EML6: variants seen among roughly 807,000 people sequenced by gnomAD.
The protein encoded by EML6 is echinoderm microtubule-associated protein-like 6.
Under a neutral mutation model 240.1 loss-of-function variants are expected in EML6, and 154 were observed. The observed-to-expected ratio is 0.64, with a 90% CI of 0.56 to 0.73. The LOEUF (loss-of-function observed/expected upper bound fraction) is 0.73, where lower values mean the gene tolerates loss of function less well. Ranked by LOEUF, EML6 falls within the 30% of genes least tolerant of loss-of-function variation. EML6 has a pLI of 0.00. For missense variants in EML6, 2,964 were observed against 2,474.6 expected, an observed-to-expected ratio of 1.20 and a Z score of -4.20; for synonymous variants, 1,148 against 899.0, an observed-to-expected ratio of 1.28 and a Z score of -4.95.
In EML6 at chr2:54,928,638, T is replaced by A; in HGVS notation, c.3891T>A (p.Asp1297Glu). The A allele has an allele frequency of 1.3e-6, 2 of 1,552,124 alleles. No homozygotes were observed. Among genetic ancestry groups the A allele is most frequent in the East Asian group, 2.4e-5 (1 of 40,920 alleles). The change falls in exon 28 of 42, where the codon GAT (aspartate) becomes GAA (glutamate). Residue 1297 changes from aspartate to glutamate, a missense_variant. Physicochemically the swap from Asp to Glu is conservative, Grantham distance 45. Transcript: ENST00000356458. ...CTGTTGTTTGAGGCTATGACAGCGA[T>A]GTTGCTAGAGAAAAGGCCATTGACT... ...DVEEDGGYDS[D>E]VAREKAIDYT...
chr2:54,908,673 A>G lies in EML6; in HGVS notation c.3410-2281A>G, dbSNP rs533975811. Among the ~76,000 whole-genome samples the G allele has an allele frequency of 8.1e-4, 123 of 152,140 alleles. 2 individuals carry two copies. Among genetic ancestry groups the G allele is most frequent in the African/African-American group, 2.9e-3 (120 of 41,498 alleles). On this transcript the variant is annotated intron_variant, in intron 24 of 41. Coordinates refer to ENST00000356458, the MANE Select transcript of EML6 (RefSeq NM_001039753.4). ...CTCTGCCTTTGACCCCTCTCTCTGC[A>G]CAAGCAGCCTTTCTCTACTTCATCT...
chr2:54,833,887 A>T (rs1215777481), intron 7 of EML6, among the ~76,000 whole-genome samples: 1 of 152,208 alleles, frequency 6.6e-6, no homozygotes, highest in Non-Finnish European at 1.5e-5. Flanking sequence ...TAAATAACTA[A>T]TTCGGCAGCA....
At chr2:54,958,519 C>G (rs966998025) in intron 33 of EML6, among the ~76,000 whole-genome samples, 1 of 151,902 alleles carries the variant, frequency 6.6e-6, no homozygotes, top group Non-Finnish European at 1.5e-5. Flanking sequence ...AAAATATTAA[C>G]CAGAAAAGGT....
chr2:54,765,975 C>T (rs1165834573), intron 2 of EML6, among the ~76,000 whole-genome samples: 1 of 152,166 alleles, frequency 6.6e-6, no homozygotes, highest in African/African-American at 2.4e-5. Flanking sequence ...TATTTTGCCA[C>T]ATTTGCTTTA....
chr2:54,780,966 C>T (rs779799266), intron 2 of EML6, among the ~76,000 whole-genome samples: 1 of 152,174 alleles, frequency 6.6e-6, no homozygotes, highest in Non-Finnish European at 1.5e-5. Context: ...ATTATTAGCT[C>T]TGGCATCCTT....
chr2:54,761,160 T>C (rs761152901), intron 2 of EML6, among the ~76,000 whole-genome samples: 11 of 152,148 alleles, frequency 7.2e-5, no homozygotes, highest in Admixed American at 5.2e-4. Flanking sequence ...TCCATATGGT[T>C]ATTTCATCTG....
chr2:54,768,008 A>G (rs560392972), intron 2 of EML6, among the ~76,000 whole-genome samples: 1 of 152,282 alleles, frequency 6.6e-6, no homozygotes, highest in South Asian at 2.1e-4. Flanking sequence ...TAGGCTTTGT[A>G]GAGAGTGTGG....
At position 54,972,013 on chromosome 2, in the gene EML6, T is replaced by C. The variant is rs576630228; in HGVS notation, c.*1918T>C. Reference sequence around the variant, plus strand: ...ATTTTATGTGTCAAATAAAATTTGATTATGTAAACACATTTGTTGACTTTT... The same window carrying C: ...ATTTTATGTGTCAAATAAAATTTGACTATGTAAACACATTTGTTGACTTTT... On this transcript the variant is annotated 3_prime_UTR_variant, in exon 42 of 42. Transcript: ENST00000356458. 121 of 151,828 alleles carry C rather than the reference T, an allele frequency of 8.0e-4. 1 individual carries two copies. Among genetic ancestry groups the C allele is most frequent in the African/African-American group, 2.8e-3 (116 of 41,450 alleles). 9.4% of individuals were successfully genotyped at this position (151,828 alleles called of 1,614,324 possible).
Position 54,957,897 on chromosome 2 carries a change from T to C in EML6, c.4594T>C (p.Phe1532Leu), listed in dbSNP as rs771257202. 17 of 1,551,464 alleles carry C rather than the reference T, an allele frequency of 1.1e-5. No individual in the cohort carries two copies. In the South Asian group the frequency reaches 1.8e-4, roughly 16 times the overall value. The change falls in exon 33 of 42, where the codon TTC (phenylalanine) becomes CTC (leucine). Residue 1532 changes from phenylalanine (F) to leucine (L), a missense_variant. Transcript: ENST00000356458. ...ATCTGTCGGGGTCAAACATATGAAG[T>C]TCTGGACCCTGGCAGGCAGCGCCTT... ...FVSVGVKHMK[F>L]WTLAGSALLY...
At chr2:54,863,229 G>A (rs1292615706) in intron 12 of EML6, among the ~76,000 whole-genome samples, 2 of 152,160 alleles carry the variant, frequency 1.3e-5, no homozygotes, top group African/African-American at 2.4e-5. Context: ...GTTTATTTTT[G>A]CCCTAGCCTT....
At chr2:54,763,525 G>A (rs1195935729) in intron 2 of EML6, among the ~76,000 whole-genome samples, 2 of 152,140 alleles carry the variant, frequency 1.3e-5, no homozygotes, top group Non-Finnish European at 2.9e-5. Context: ...TTTTAAGTTA[G>A]CAATCTGCTT....
chr2:54,794,584 C>G (rs1278537785), intron 2 of EML6, among the ~76,000 whole-genome samples: 1 of 152,116 alleles, frequency 6.6e-6, no homozygotes. Flanking sequence ...CCTAAAGGAT[C>G]CTGTCTGCCT....
intron 26 of EML6, among the ~76,000 whole-genome samples, chr2:54,923,393 AC>A (rs1671144547): frequency 1.3e-5 from 2 of 151,658 alleles, no homozygotes; most frequent in African/African-American, 4.9e-5. Flanking sequence ...ACACACACAC[AC>A]ACACACACAC....
chr2:54,879,134 C>T (rs1671682521), intron 16 of EML6, among the ~76,000 whole-genome samples: 1 of 152,140 alleles, frequency 6.6e-6, no homozygotes, highest in South Asian at 2.1e-4. Flanking sequence ...CCAAGTGGTA[C>T]CTCAAGTTAA....
Position 54,963,873 on chromosome 2 carries a change from G to A in EML6, c.5158-113G>A, listed in dbSNP as rs548284742. On this transcript the variant is annotated intron_variant, in intron 36 of 41. Coordinates refer to ENST00000356458, the MANE Select transcript of EML6 (RefSeq NM_001039753.4). ...TACTCTAAGAAGCAAGAGATTTGGT[G>A]GCCTGCAGTGGCTGCGAGGGCAGCC... 287 of 860,420 alleles carry A rather than the reference G, an allele frequency of 3.3e-4. 1 individual carries two copies. The highest frequency in any genetic ancestry group is 1.1e-3 in the Middle Eastern group (3 of 2,822). 53.3% of individuals were successfully genotyped at this position (860,420 alleles called of 1,614,324 possible).
chr2:54,735,191 C>T (rs578182432), intron 2 of EML6, among the ~76,000 whole-genome samples: 1 of 152,372 alleles, frequency 6.6e-6, no homozygotes, highest in African/African-American at 2.4e-5. Context: ...CCTCCTTTCT[C>T]TATGCATCTG....
At chr2:54,777,959 A>G (rs1000494941) in intron 2 of EML6, among the ~76,000 whole-genome samples, 2 of 152,226 alleles carry the variant, frequency 1.3e-5, no homozygotes, top group Non-Finnish European at 2.9e-5. Context: ...TCTATTTTAA[A>G]ATCTAAGCTT....
intron 2 of EML6, among the ~76,000 whole-genome samples, chr2:54,799,864 A>G (rs944082296): frequency 6.6e-6 from 1 of 152,250 alleles, no homozygotes; most frequent in Non-Finnish European, 1.5e-5. Flanking sequence ...GTTACTAGAT[A>G]GAGCTCTCTG....
In EML6 at chr2:54,928,437, C is replaced by T. The variant is rs1317408249; in HGVS notation, c.3800C>T (p.Thr1267Ile). 1.3e-6 allele frequency: 2 copies of T among 1,550,738 alleles called. No individual in the cohort carries two copies. The highest frequency in any genetic ancestry group is 1.2e-5 in the South Asian group (1 of 83,994). Residue 1267 changes from threonine (T) to isoleucine (I), a missense_variant, in exon 27 of 42, where the codon ACC (threonine) becomes ATC (isoleucine). Coordinates refer to ENST00000356458, the MANE Select transcript of EML6 (RefSeq NM_001039753.4). ...GGADTALMIW[T>I]REFVGTQESK... ...GCCGACACAGCCCTGATGATCTGGA[C>T]CAGGGAGTTTGTGGGGACCCAGGAG...
Sources: gnomAD v4.1 joint callset for allele counts (sites outside exome capture counted in the v4.1 genomes callset) on GRCh38, gnomAD v4.1.1 for gene constraint, MANE v1.5 for transcripts, NCBI Gene and HGNC (gene_info 2026-07-23, HGNC 2026-07-21) for gene names.